The following SINHCAF variants were observed in gnomAD, a reference collection of about 807,000 sequenced individuals.
SINHCAF encodes SIN3-HDAC complex associated factor.
In SINHCAF, 3 loss-of-function variants were observed where a neutral mutation model predicts 25.8. The observed-to-expected ratio is 0.12, with a 90% CI of 0.05 to 0.30. SINHCAF has a LOEUF of 0.30. Among genes scored for constraint, SINHCAF ranks in the 10% least tolerant of loss-of-function variants. The pLI, the probability that SINHCAF is intolerant of heterozygous loss-of-function variation, is 1.00. For synonymous variants in SINHCAF, 70 were observed against 85.5 expected (o/e 0.82, Z 1.00); for missense variants, 121 against 262.3 (o/e 0.46, Z 3.72).
At chr12:31,316,608 C>T (rs1939504985) in intron 1 of SINHCAF, among the ~76,000 whole-genome samples, 1 of 152,082 alleles carries the variant, frequency 6.6e-6, no homozygotes, top group Admixed American at 6.5e-5. Flanking sequence ...CATAAGTTTA[C>T]TGAATATAAT....
chr12:31,309,409 C>T lies in SINHCAF; in HGVS notation c.-20-11185G>A, dbSNP rs537033111. ...TCTTGCCATAGTGGCTATTATTTTACGTTAAGCAAGGGATTCTTAGTGTTA... is the reference window on the plus strand; with the variant it reads ...TCTTGCCATAGTGGCTATTATTTTATGTTAAGCAAGGGATTCTTAGTGTTA... On this transcript the variant is annotated intron_variant, in intron 1 of 5. Coordinates refer to ENST00000337682, the MANE Select transcript of SINHCAF (RefSeq NM_001135812.2). Among the ~76,000 whole-genome samples, 5 of 152,272 alleles carry T rather than the reference C, an allele frequency of 3.3e-5. No individual in the cohort carries two copies. The South Asian group carries it at 8.3e-4, about 25-fold the overall frequency.
chr12:31,306,642 T>C (rs532026581), intron 1 of SINHCAF, among the ~76,000 whole-genome samples: 19 of 152,210 alleles, frequency 1.2e-4, no homozygotes, highest in Non-Finnish European at 2.6e-4. Flanking sequence ...TCTTAGCTAC[T>C]GCATCAGCAA....
chr12:31,305,779 A>G (rs1938999152), intron 1 of SINHCAF, among the ~76,000 whole-genome samples: 1 of 148,266 alleles, frequency 6.7e-6, no homozygotes, highest in African/African-American at 2.5e-5. Context: ...GGCTTACTGC[A>G]ACCTCCGCCT....
intron 1 of SINHCAF, among the ~76,000 whole-genome samples, chr12:31,309,058 G>A (rs962894183): frequency 6.6e-6 from 1 of 150,424 alleles, no homozygotes; most frequent in Non-Finnish European, 1.5e-5. Flanking sequence ...ATCCCAGGAG[G>A]TGGAGGCTGC....
At chr12:31,301,138 T>C (rs533301831) in intron 1 of SINHCAF, among the ~76,000 whole-genome samples, 84 of 152,304 alleles carry the variant, frequency 5.5e-4, no homozygotes, top group Non-Finnish European at 1.1e-3. Context: ...GCTAAGCTGT[T>C]AAGGATGTTA....
At chr12:31,318,072 T>A (rs908101965) in intron 1 of SINHCAF, among the ~76,000 whole-genome samples, 1 of 152,304 alleles carries the variant, frequency 6.6e-6, no homozygotes, top group Admixed American at 6.5e-5. Context: ...TTTTAGTCAA[T>A]CATATGCTAT....
intron 1 of SINHCAF, among the ~76,000 whole-genome samples, chr12:31,308,973 C>T (rs1016816837): frequency 2.6e-5 from 4 of 151,564 alleles, no homozygotes; most frequent in Non-Finnish European, 5.9e-5. Context: ...ACTAAAAATA[C>T]AAAAATAAGC....
At chr12:31,316,662 A>G (rs1164867286) in intron 1 of SINHCAF, among the ~76,000 whole-genome samples, 1 of 152,246 alleles carries the variant, frequency 6.6e-6, no homozygotes, top group African/African-American at 2.4e-5. Flanking sequence ...GATAGTTTAT[A>G]TTAAAGACGC....
chr12:31,323,703 C>G (rs968674512), intron 1 of SINHCAF, among the ~76,000 whole-genome samples: 1 of 152,172 alleles, frequency 6.6e-6, no homozygotes, highest in African/African-American at 2.4e-5. Context: ...CCCCCCACCC[C>G]CTAGAAACAC....
intron 1 of SINHCAF, among the ~76,000 whole-genome samples, chr12:31,323,429 A>G (rs1939786453): frequency 6.6e-6 from 1 of 152,218 alleles, no homozygotes; most frequent in African/African-American, 2.4e-5. Context: ...TAAAAGAAAA[A>G]GAAAAGCTTT....
chr12:31,301,191 C>G (rs1221655803), intron 1 of SINHCAF, among the ~76,000 whole-genome samples: 1 of 152,186 alleles, frequency 6.6e-6, no homozygotes, highest in Non-Finnish European at 1.5e-5. Flanking sequence ...AATCAGCAGC[C>G]ATTGTGAATT....
At position 31,325,133 on chromosome 12, in the gene SINHCAF, T is replaced by G. The variant is rs1206475945; in HGVS notation, c.-21+891A>C. 1 of 456,770 alleles carries G rather than the reference T, an allele frequency of 2.2e-6. No individual in the cohort carries two copies. The highest frequency in any genetic ancestry group is 4.4e-6 in the Non-Finnish European group (1 of 226,978). The allele number at this position is 456,770 out of a possible 1,614,324, so 28.3% of individuals were successfully genotyped here. On this transcript the variant is annotated intron_variant, in intron 1 of 5. Transcript: ENST00000337682. The surrounding 1 kb of genome is among the most constrained non-coding windows in gnomAD (Gnocchi z 5.9). ...GCCGCCGCCTCCATCTCCAGCCAAG[T>G]TGGCTTCCCTGGCCATCTTACAGCG...
intron 1 of SINHCAF, among the ~76,000 whole-genome samples, chr12:31,321,267 G>A (rs1181811970): frequency 6.6e-6 from 1 of 152,100 alleles, no homozygotes; most frequent in African/African-American, 2.4e-5. Context: ...AGAGAAATCA[G>A]GAAGAAAGAA....
intron 5 of SINHCAF, among the ~76,000 whole-genome samples, chr12:31,284,200 A>G (rs1937939649): frequency 6.6e-6 from 1 of 152,168 alleles, no homozygotes; most frequent in African/African-American, 2.4e-5. Flanking sequence ...CTTCTCCCCA[A>G]CATTTGGTAA....
chr12:31,310,697 G>A lies in SINHCAF; in HGVS notation c.-20-12473C>T, dbSNP rs547215194. ...GTGACATTTGACAAGAGTGGGTAGT[G>A]CATCACCCAAATTGTTTGGGAAATT... On this transcript the variant is annotated intron_variant, in intron 1 of 5. Coordinates refer to ENST00000337682, the MANE Select transcript of SINHCAF (RefSeq NM_001135812.2). Among the ~76,000 whole-genome samples the A allele has an allele frequency of 1.3e-5, 2 of 152,196 alleles. 1 individual carries two copies. Among genetic ancestry groups the A allele is most frequent in the East Asian group, 3.9e-4 (2 of 5,174 alleles).
chr12:31,323,921 T>C (rs750502168), intron 1 of SINHCAF: 1 of 455,000 alleles, frequency 2.2e-6, no homozygotes, highest in South Asian at 1.6e-5. Flanking sequence ...TCCCCGCTCC[T>C]CCCAGGGCCC....
chr12:31,291,880 T>C (rs142077026), intron 4 of SINHCAF, among the ~76,000 whole-genome samples: 53 of 152,164 alleles, frequency 3.5e-4, no homozygotes, highest in African/African-American at 1.3e-3. Context: ...GGGTGATATA[T>C]AAAAATTCAC....
At chr12:31,286,608 A>C (rs964336457) in intron 5 of SINHCAF, among the ~76,000 whole-genome samples, 25 of 151,370 alleles carry the variant, frequency 1.7e-4, no homozygotes, top group African/African-American at 6.1e-4. Context: ...GGCTGCAGTG[A>C]GCAGAGATCG....
chr12:31,282,040 A>G lies in SINHCAF; in HGVS notation c.*672T>C, dbSNP rs1332360825. On this transcript the variant is annotated 3_prime_UTR_variant, in exon 6 of 6. Transcript: ENST00000337682. ...AAGTTCATGTTACTGAGTTATGACA[A>G]ATTTATTATCATGAGGGAAAACAAG... The G allele has an allele frequency of 6.6e-6, 1 of 152,542 alleles. No individual in the cohort carries two copies. Among genetic ancestry groups the G allele is most frequent in the Non-Finnish European group, 1.5e-5 (1 of 68,014 alleles). 9.4% of individuals were successfully genotyped at this position (152,542 alleles called of 1,614,324 possible). A position where few individuals can be genotyped will look rare whatever the true frequency, so the allele number is the denominator to read the frequency against.
Sources: gnomAD v4.1 joint callset for allele counts (sites outside exome capture counted in the v4.1 genomes callset) on GRCh38, gnomAD v4.1.1 for gene constraint, Gnocchi (gnomAD v3.1) non-coding constraint, MANE v1.5 for transcripts, NCBI Gene and HGNC (gene_info 2026-07-23, HGNC 2026-07-21) for gene names.